RGS22: variants seen among roughly 807,000 people sequenced by gnomAD.
RGS22 encodes the protein regulator of G-protein signaling 22.
A neutral mutation model predicts 172.9 loss-of-function variants in RGS22; 148 were observed. The ratio of observed to expected loss-of-function variants is 0.86; its 90% CI spans 0.75 to 0.98. RGS22 has a LOEUF of 0.98. Ranked by LOEUF, RGS22 falls within the 50% of genes least tolerant of loss-of-function variation. RGS22 has a pLI of 0.00. For synonymous variants in RGS22, 458 were observed against 480.2 expected, an observed-to-expected ratio of 0.95 and a Z score of 0.60; for missense variants, 1,347 against 1,440.8, an observed-to-expected ratio of 0.93 and a Z score of 1.05.
At chr8:100,029,895 A>G (rs1818609675) in intron 14 of RGS22, among the ~76,000 whole-genome samples, 1 of 152,180 alleles carries the variant, frequency 6.6e-6, no homozygotes, top group South Asian at 2.1e-4. Flanking sequence ...ATGTTTAATA[A>G]TACAAAAACA....
At chr8:99,974,561 A>G (rs201591127) in intron 23 of RGS22, among the ~76,000 whole-genome samples, 1 of 152,196 alleles carries the variant, frequency 6.6e-6, no homozygotes, top group East Asian at 1.9e-4. Flanking sequence ...GCACTTTGGG[A>G]GGCCAAGGTG....
At chr8:100,067,918 C>T (rs1216898059) in intron 6 of RGS22, among the ~76,000 whole-genome samples, 10 of 152,044 alleles carry the variant, frequency 6.6e-5, no homozygotes, top group South Asian at 2.1e-4. Context: ...CCACCGCGCC[C>T]GGCCTATACT....
chr8:99,992,571 C>A (rs939841677), intron 20 of RGS22, among the ~76,000 whole-genome samples: 1 of 152,150 alleles, frequency 6.6e-6, no homozygotes, highest in East Asian at 1.9e-4. Context: ...AGCTAACTAT[C>A]CTAAATATAT....
chr8:99,985,000 T>C (rs1315446202), intron 21 of RGS22, among the ~76,000 whole-genome samples: 1 of 152,218 alleles, frequency 6.6e-6, no homozygotes. Flanking sequence ...AACTGGGTTC[T>C]TTCCAACTTT....
chr8:99,986,480 G>C (rs925306250), intron 21 of RGS22, among the ~76,000 whole-genome samples: 1 of 152,140 alleles, frequency 6.6e-6, no homozygotes, highest in African/African-American at 2.4e-5. Context: ...GGATGGAATA[G>C]ACTGCTTGCA....
At chr8:100,076,949 C>T (rs182746783) in intron 4 of RGS22, among the ~76,000 whole-genome samples, 143 of 152,142 alleles carry the variant, frequency 9.4e-4, no homozygotes, top group Non-Finnish European at 1.7e-3. Flanking sequence ...GCTGAGATCG[C>T]CCCACTGCAC....
At chr8:100,076,731 C>T (rs2446931) in intron 4 of RGS22, among the ~76,000 whole-genome samples, 2 of 151,968 alleles carry the variant, frequency 1.3e-5, no homozygotes, top group Non-Finnish European at 2.9e-5. Flanking sequence ...GGTGGTTCAT[C>T]CCTGTAATCC....
At chr8:100,028,599 T>C (rs1289650306) in intron 14 of RGS22, among the ~76,000 whole-genome samples, 2 of 152,222 alleles carry the variant, frequency 1.3e-5, no homozygotes, top group African/African-American at 4.8e-5. Context: ...TATACTTGTC[T>C]AATTTCTCAT....
intron 14 of RGS22, among the ~76,000 whole-genome samples, chr8:100,030,273 C>T (rs1818648500): frequency 6.6e-6 from 1 of 152,088 alleles, no homozygotes; most frequent in African/African-American, 2.4e-5. Context: ...ATAGCACACA[C>T]AATTATGTAT....
intron 14 of RGS22, among the ~76,000 whole-genome samples, chr8:100,009,422 C>A (rs1161339510): frequency 1.6e-5 from 2 of 128,420 alleles, no homozygotes; most frequent in Non-Finnish European, 3.2e-5. Flanking sequence ...GAGACTCCAC[C>A]TCAAAAAAAA....
chr8:100,007,263 C>T (rs563730755), intron 15 of RGS22, among the ~76,000 whole-genome samples: 208 of 152,224 alleles, frequency 1.4e-3, no homozygotes, highest in African/African-American at 4.5e-3. Flanking sequence ...AGCAGAGTTC[C>T]GCCTGAAATG....
intron 27 of RGS22, among the ~76,000 whole-genome samples, chr8:99,961,426 T>C (rs535231191): frequency 6.6e-5 from 10 of 152,214 alleles, no homozygotes; most frequent in Non-Finnish European, 1.3e-4. Flanking sequence ...CTCATGATAG[T>C]GAGTGAGTTC....
At chr8:99,993,722 T>G (rs529839160) in intron 20 of RGS22, among the ~76,000 whole-genome samples, 1 of 152,248 alleles carries the variant, frequency 6.6e-6, no homozygotes. Flanking sequence ...CCGAAACTAT[T>G]CCAATCAATA....
Position 100,071,358 on chromosome 8 carries a change from C to T in RGS22, c.594+11G>A, listed in dbSNP as rs751914581. 3.2e-6 allele frequency: 5 copies of T among 1,582,764 alleles called. No individual in the cohort carries two copies. The highest frequency in any genetic ancestry group is 2.7e-5 in the African/African-American group (2 of 73,168). ...AAGCGCTAAGTCATGAAAAAATGCT[C>T]ATACTTTTACCTCACCAAGTGATAC... is the stretch of plus-strand genomic sequence containing the variant. On this transcript the variant is annotated intron_variant, in intron 6 of 27. Transcript: ENST00000360863.
At chr8:100,022,243 A>G (rs1298720488) in intron 14 of RGS22, among the ~76,000 whole-genome samples, 2 of 152,234 alleles carry the variant, frequency 1.3e-5, no homozygotes. Context: ...ATGGACTTGT[A>G]CGAAAAAAGA....
chr8:100,086,654 G>A (rs1812184353), intron 3 of RGS22, among the ~76,000 whole-genome samples: 5 of 151,898 alleles, frequency 3.3e-5, no homozygotes. Flanking sequence ...GGCTCAGCAT[G>A]ACGCAATATA....
At chr8:100,089,159 C>T (rs1812371486) in intron 3 of RGS22, among the ~76,000 whole-genome samples, 1 of 151,304 alleles carries the variant, frequency 6.6e-6, no homozygotes, top group African/African-American at 2.4e-5. Flanking sequence ...GTCCAATCTT[C>T]CACCATAGAT....
chr8:100,024,515 G>A (rs972747125), intron 14 of RGS22, among the ~76,000 whole-genome samples: 3 of 152,052 alleles, frequency 2.0e-5, no homozygotes, highest in African/African-American at 4.8e-5. Flanking sequence ...TCAGTCCTGA[G>A]CATACAAGGT....
rs1351882559 is a variant in RGS22 at position 99,988,919 on chromosome 8, G to A, written c.3019-1300C>T. On this transcript the variant is annotated intron_variant, in intron 20 of 27. Coordinates refer to ENST00000360863, the MANE Select transcript of RGS22 (RefSeq NM_015668.5). ...TAGCCCTACAAATAGGAACAACTATGTATTAGACTGGGACGTTTATTTAAA... is the reference window on the plus strand; with the variant it reads ...TAGCCCTACAAATAGGAACAACTATATATTAGACTGGGACGTTTATTTAAA... 2.0e-5 allele frequency among the ~76,000 whole-genome samples: 3 copies of A among 152,274 alleles called. No homozygotes were observed. The East Asian group carries it at 5.8e-4, about 29-fold the overall frequency.
Sources: allele counts gnomAD v4.1 joint callset (sites outside exome capture counted in the v4.1 genomes callset), GRCh38; gene constraint gnomAD v4.1.1; transcripts MANE v1.5; gene names NCBI Gene and HGNC (gene_info 2026-07-23, HGNC 2026-07-21).